BABAM2: variants seen among roughly 807,000 people sequenced by gnomAD.
The protein encoded by BABAM2 is BRISC and BRCA1 A complex member 2, also known as BRISC and BRCA1-A complex member 2.
In BABAM2, 31 loss-of-function variants were observed where a neutral mutation model predicts 54.7. The observed-to-expected ratio is 0.57, with a 90% CI of 0.43 to 0.77. The LOEUF is 0.77. Among genes scored for constraint, BABAM2 ranks in the 30% least tolerant of loss-of-function variants. BABAM2 has a pLI of 0.00. For missense variants in BABAM2, 364 were observed against 455.8 expected (o/e 0.80, Z 1.83); for synonymous variants, 167 against 162.9 (o/e 1.03, Z -0.19).
At chr2:28,115,277 T>C (rs1396251556) in intron 6 of BABAM2, among the ~76,000 whole-genome samples, 2 of 151,536 alleles carry the variant, frequency 1.3e-5, no homozygotes, top group East Asian at 3.9e-4. Context: ...TGTAGGATTT[T>C]AGAGGAGAGA....
chr2:28,191,120 G>C (rs1159732591), intron 7 of BABAM2, among the ~76,000 whole-genome samples: 1 of 152,094 alleles, frequency 6.6e-6, no homozygotes, highest in Non-Finnish European at 1.5e-5. Context: ...GGAATAAGAA[G>C]ACAAACAGCT....
At chr2:28,106,601 AG>A (rs1021782343) in intron 6 of BABAM2, among the ~76,000 whole-genome samples, 7 of 152,218 alleles carry the variant, frequency 4.6e-5, no homozygotes, top group Admixed American at 2.0e-4. Context: ...AATATCACAG[AG>A]GTGATGTTAT....
intron 6 of BABAM2, among the ~76,000 whole-genome samples, chr2:28,057,221 T>C (rs959377324): frequency 2.6e-5 from 4 of 152,218 alleles, no homozygotes; most frequent in Non-Finnish European, 4.4e-5. Context: ...CAGTGTTTAT[T>C]AAGACTCTAA....
chr2:27,929,843 TGACTCC>T lies in BABAM2; in HGVS notation c.141_146del (p.Leu47_Pro49delinsPhe). The T allele has an allele frequency of 6.2e-7, 1 of 1,613,744 alleles. No individual in the cohort carries two copies. The highest frequency in any genetic ancestry group is 8.5e-7 in the Non-Finnish European group (1 of 1,179,706). ...TGCATTTTTTAAAGCTGCACATCAT[TGACTCC>T]TGGGCCCAACTGTGACCGATTTAAA... is the stretch of plus-strand genomic sequence containing the variant. On this transcript the variant is annotated inframe_deletion, in exon 3 of 12. Transcript: ENST00000379624.
chr2:27,897,509 T>C (rs1256154408), intron 2 of BABAM2, among the ~76,000 whole-genome samples: 3 of 152,210 alleles, frequency 2.0e-5, no homozygotes, highest in Admixed American at 2.0e-4. Flanking sequence ...GAAAGAACTC[T>C]GGTGGAGTTG....
At chr2:28,036,134 T>C (rs1676639610) in intron 5 of BABAM2, among the ~76,000 whole-genome samples, 2 of 152,132 alleles carry the variant, frequency 1.3e-5, no homozygotes, top group Non-Finnish European at 2.9e-5. Flanking sequence ...CATTTAGATG[T>C]AGGGTGCACT....
At chr2:28,212,682 C>T (rs566998667) in intron 7 of BABAM2, among the ~76,000 whole-genome samples, 3 of 152,178 alleles carry the variant, frequency 2.0e-5, no homozygotes, top group Non-Finnish European at 4.4e-5. Flanking sequence ...CTCCTGCTCC[C>T]GACCCCCTCA....
At chr2:27,925,977 A>G (rs1667673923) in intron 2 of BABAM2, among the ~76,000 whole-genome samples, 2 of 152,198 alleles carry the variant, frequency 1.3e-5, no homozygotes, top group South Asian at 4.1e-4. Context: ...ATCTCTGTAG[A>G]TAGCAGAGAA....
intron 7 of BABAM2, among the ~76,000 whole-genome samples, chr2:28,196,288 C>T (rs147950215): frequency 0.011 from 1,558 of 142,438 alleles, 31 homozygotes; most frequent in African/African-American, 0.037. Flanking sequence ...GATTGTGCCA[C>T]TGCACTCCAG....
intron 10 of BABAM2, among the ~76,000 whole-genome samples, chr2:28,260,628 A>G (rs890146171): frequency 6.6e-6 from 1 of 152,106 alleles, no homozygotes; most frequent in Non-Finnish European, 1.5e-5. Context: ...ATTCAAAATC[A>G]TTTAGTCTTT....
chr2:28,088,017 T>G lies in BABAM2; in HGVS notation c.571-41254T>G, dbSNP rs1473528421. Among the ~76,000 whole-genome samples the G allele has an allele frequency of 2.6e-5, 4 of 152,156 alleles. 1 individual carries two copies. The highest frequency in any genetic ancestry group is 5.9e-5 in the Non-Finnish European group (4 of 68,028). Reference sequence around the variant, plus strand: ...AATCTGTCATCTCAACCAGAAGTCTTCATCACAATATCTTGTTAACTGAAA... The same window carrying G: ...AATCTGTCATCTCAACCAGAAGTCTGCATCACAATATCTTGTTAACTGAAA... On this transcript the variant is annotated intron_variant, in intron 6 of 11. Transcript: ENST00000379624.
intron 6 of BABAM2, among the ~76,000 whole-genome samples, chr2:28,102,646 C>T (rs1371064539): frequency 2.0e-5 from 3 of 152,188 alleles, no homozygotes; most frequent in Admixed American, 1.3e-4. Context: ...TTTTCAGTTA[C>T]AGTAGGTAGG....
chr2:28,237,123 G>T, intron 7 of BABAM2, 79 bp from the exon 8 acceptor site: 1 of 1,231,148 alleles, frequency 8.1e-7, no homozygotes, highest in Non-Finnish European at 1.2e-6. Flanking sequence ...GATGAGAGAA[G>T]CCAAGTCTGC....
chr2:28,120,733 A>G (rs888507834), intron 6 of BABAM2, among the ~76,000 whole-genome samples: 4 of 152,234 alleles, frequency 2.6e-5, no homozygotes, highest in Non-Finnish European at 5.9e-5. Flanking sequence ...AATATAAAAT[A>G]TATATTGCTG....
chr2:28,026,843 A>AATATATATTTATATATATATAGAT (rs1553414445), intron 5 of BABAM2, among the ~76,000 whole-genome samples: 3,823 of 40,506 alleles, frequency 0.094, 299 homozygotes, highest in Middle Eastern at 0.19. Flanking sequence ...AATATATATA[A>AATATATATTTATATATATATAGAT]ATATATATTT....
intron 11 of BABAM2, among the ~76,000 whole-genome samples, chr2:28,318,483 T>TAG (rs1177529594): frequency 6.6e-6 from 1 of 152,186 alleles, no homozygotes; most frequent in Non-Finnish European, 1.5e-5. Context: ...ATCCCTGAAC[T>TAG]AGATAATCTC....
intron 6 of BABAM2, among the ~76,000 whole-genome samples, chr2:28,117,252 AAGGCCC>A (rs1668690081): frequency 6.6e-6 from 1 of 152,338 alleles, no homozygotes; most frequent in African/African-American, 2.4e-5. Flanking sequence ...GGTTCTGATG[AAGGCCC>A]AGCATTCCAC....
chr2:27,988,691 G>C (rs1345042815), intron 4 of BABAM2, among the ~76,000 whole-genome samples: 1 of 152,162 alleles, frequency 6.6e-6, no homozygotes, highest in Non-Finnish European at 1.5e-5. Context: ...GAGCACATAT[G>C]CTTTAGTAAG....
intron 7 of BABAM2, among the ~76,000 whole-genome samples, chr2:28,132,815 T>G (rs1465153651): frequency 6.6e-6 from 1 of 152,216 alleles, no homozygotes; most frequent in Non-Finnish European, 1.5e-5. Flanking sequence ...GTGATAAGGA[T>G]TTTTAAAAAT....
Sources: allele counts gnomAD v4.1 joint callset (sites outside exome capture counted in the v4.1 genomes callset), GRCh38; gene constraint gnomAD v4.1.1; transcripts MANE v1.5; gene names NCBI Gene and HGNC (gene_info 2026-07-23, HGNC 2026-07-21).